The following SLC2A9 variants were observed in gnomAD, a reference collection of about 807,000 sequenced individuals.
SLC2A9 encodes solute carrier family 2, facilitated glucose transporter member 9.
A neutral mutation model predicts 50.6 loss-of-function variants in SLC2A9; 39 were observed. The ratio of observed to expected loss-of-function variants is 0.77; its 90% confidence interval spans 0.60 to 1.01. SLC2A9 has a LOEUF of 1.01. Among genes scored for constraint, SLC2A9 ranks in the 50% least tolerant of loss-of-function variants. The probability of loss-of-function intolerance (pLI) is 0.00; values close to 1 mark genes in which losing one functional copy is unlikely to be tolerated. For synonymous variants in SLC2A9, 324 were observed against 276.9 expected, an observed-to-expected ratio of 1.17 and a Z score of -1.69; for missense variants, 686 against 677.6, an observed-to-expected ratio of 1.01 and a Z score of -0.14.
chr4:10,032,607 C>G (rs1170770073), intron 1 of SLC2A9, among the ~76,000 whole-genome samples: 9 of 152,192 alleles, frequency 5.9e-5, no homozygotes, highest in Middle Eastern at 6.8e-3. Context: ...AAAGATGATG[C>G]TCATACCAAG....
At chr4:10,040,122 C>G (rs1764236430) in intron 1 of SLC2A9, 1 of 152,328 alleles carries the variant, frequency 6.6e-6, no homozygotes, top group Admixed American at 6.5e-5. Context: ...TGACCAATTC[C>G]TACTCACATT....
Position 9,859,989 on chromosome 4 carries a change from G to A in SLC2A9, c.1292-24981C>T, listed in dbSNP as rs1384354551. Among the ~76,000 whole-genome samples, 3 of 152,184 alleles carry A rather than the reference G, an allele frequency of 2.0e-5. No homozygotes were observed. In the East Asian group the frequency reaches 5.8e-4, roughly 29 times the overall value. Reference sequence around the variant, plus strand: ...GGGTGTGGAGAGCAAAAACCTTCCTGCTGAGCCCTGACAGCTGCTCAGTCT... The same window carrying A: ...GGGTGTGGAGAGCAAAAACCTTCCTACTGAGCCCTGACAGCTGCTCAGTCT... On this transcript the variant is annotated intron_variant, in intron 10 of 11. Transcript: ENST00000264784.
At chr4:9,783,322 G>T in intron 3 of SLC2A9, 1 of 1,614,240 alleles carries the variant, frequency 6.2e-7, no homozygotes, top group Non-Finnish European at 8.5e-7. Context: ...ACGAGGAGGA[G>T]GGTCCTTTCG....
chr4:9,846,898 A>G (rs1224805607), intron 10 of SLC2A9, among the ~76,000 whole-genome samples: 1 of 152,190 alleles, frequency 6.6e-6, no homozygotes, highest in Non-Finnish European at 1.5e-5. Flanking sequence ...AATCTCCACA[A>G]GTGTGTCCAT....
At chr4:9,789,638 T>A (rs1037927280) in intron 3 of SLC2A9, among the ~76,000 whole-genome samples, 2 of 152,234 alleles carry the variant, frequency 1.3e-5, no homozygotes, top group African/African-American at 4.8e-5. Context: ...TGGAAACCCC[T>A]GGGCCTCTAG....
chr4:9,993,306 T>C (rs181840931), intron 3 of SLC2A9, among the ~76,000 whole-genome samples: 4 of 152,302 alleles, frequency 2.6e-5, no homozygotes, highest in Admixed American at 1.3e-4. Context: ...TTCAGTGCAA[T>C]TGAAAGAACA....
rs62295672 is a variant in SLC2A9, at chr4:9,828,034, G to A, written c.1420-1434C>T. On this transcript the variant is annotated intron_variant, in intron 11 of 11. Coordinates refer to ENST00000264784, the MANE Select transcript of SLC2A9 (RefSeq NM_020041.3). Reference sequence around the variant, plus strand: ...ATCCTCCACACCCCCATCTGCAGGCGGAATGGACATCTGACTTATCAAGTC... The same window carrying A: ...ATCCTCCACACCCCCATCTGCAGGCAGAATGGACATCTGACTTATCAAGTC... 8.7e-3 allele frequency among the ~76,000 whole-genome samples: 1,321 copies of A among 152,280 alleles called. 11 individuals carry two copies. Among genetic ancestry groups the A allele is most frequent in the Middle Eastern group, 0.044 (13 of 294 alleles).
intron 8 of SLC2A9, among the ~76,000 whole-genome samples, chr4:9,905,786 C>G (rs1486571714): frequency 2.6e-5 from 4 of 152,080 alleles, no homozygotes; most frequent in Non-Finnish European, 5.9e-5. Flanking sequence ...GACTTTCAGG[C>G]ATGATGTGAG....
intron 5 of SLC2A9, among the ~76,000 whole-genome samples, chr4:9,944,153 A>T (rs1173368103): frequency 4.6e-5 from 7 of 152,200 alleles, no homozygotes; most frequent in Non-Finnish European, 7.3e-5. Context: ...TCATTGGGGA[A>T]CAACAACTGT....
chr4:9,926,721 C>T (rs1744967822), intron 6 of SLC2A9, among the ~76,000 whole-genome samples: 1 of 152,022 alleles, frequency 6.6e-6, no homozygotes, highest in South Asian at 2.1e-4. Flanking sequence ...TGTGAACTTA[C>T]TTGGAAATAA....
At chr4:9,965,974 G>C (rs1008542308) in intron 5 of SLC2A9, among the ~76,000 whole-genome samples, 1 of 152,164 alleles carries the variant, frequency 6.6e-6, no homozygotes, top group Non-Finnish European at 1.5e-5. Context: ...TTAATACTTT[G>C]ATTATCAACT....
chr4:9,989,513 C>T (rs1470787808), intron 3 of SLC2A9, among the ~76,000 whole-genome samples: 1 of 152,014 alleles, frequency 6.6e-6, no homozygotes, highest in Non-Finnish European at 1.5e-5. Flanking sequence ...TTCCCACATG[C>T]CCTCTGCTTG....
chr4:9,780,691 C>A (rs937576120), intron 3 of SLC2A9, among the ~76,000 whole-genome samples: 1 of 152,312 alleles, frequency 6.6e-6, no homozygotes, highest in East Asian at 1.9e-4. Flanking sequence ...GAGCTTAACG[C>A]CAGTAGAGGC....
intron 10 of SLC2A9, among the ~76,000 whole-genome samples, chr4:9,868,765 G>A (rs150441658): frequency 1.7e-3 from 254 of 152,276 alleles, no homozygotes; most frequent in Admixed American, 3.3e-3. Context: ...ATTTTGTGAC[G>A]AATGCTGAAG....
In SLC2A9 at chr4:9,925,310, G is replaced by A. The variant is rs187024415; in HGVS notation, c.815-4738C>T. Among the ~76,000 whole-genome samples, 193 of 152,214 alleles carry A rather than the reference G, an allele frequency of 1.3e-3. 3 individuals carry two copies. The highest frequency in any genetic ancestry group is 7.8e-4 in the Non-Finnish European group (53 of 68,014). On this transcript the variant is annotated intron_variant, in intron 6 of 11. Coordinates refer to ENST00000264784, the MANE Select transcript of SLC2A9 (RefSeq NM_020041.3). ...GCTAATCACTGTTACCCTCTCATCC[G>A]GGTCGCTCTTGCACCTGTGTCTGTC... is the stretch of plus-strand genomic sequence containing the variant.
chr4:9,996,181 C>T (rs899842600), intron 3 of SLC2A9, among the ~76,000 whole-genome samples: 17 of 152,184 alleles, frequency 1.1e-4, no homozygotes, highest in African/African-American at 3.9e-4. Context: ...TGTAAATGAT[C>T]TGAAATGACC....
In SLC2A9 at chr4:9,890,722, G is replaced by GT. The variant is rs758409061; in HGVS notation, c.1114-12dup. The GT allele has an allele frequency of 2.1e-5, 34 of 1,607,030 alleles. No individual in the cohort carries two copies. The highest frequency in any genetic ancestry group is 1.6e-4 in the African/African-American group (12 of 74,740). On this transcript the variant is annotated splice_polypyrimidine_tract_variant and intron_variant, in intron 8 of 11. Coordinates refer to ENST00000264784, the MANE Select transcript of SLC2A9 (RefSeq NM_020041.3). ...CTCAATGACCAAACCCTAGTCCAGG[G>GT]TAAAAGAGAGAGAGAGAGCTATTAT... is the stretch of plus-strand genomic sequence containing the variant.
intron 3 of SLC2A9, among the ~76,000 whole-genome samples, chr4:9,781,363 C>A (rs906453829): frequency 6.6e-6 from 1 of 152,248 alleles, no homozygotes; most frequent in Non-Finnish European, 1.5e-5. Flanking sequence ...CTCATCCTTA[C>A]CCCACCTCTT....
At chr4:9,959,108 T>A (rs1375451783) in intron 5 of SLC2A9, among the ~76,000 whole-genome samples, 2 of 151,448 alleles carry the variant, frequency 1.3e-5, no homozygotes, top group African/African-American at 4.9e-5. Flanking sequence ...GCTGGAAGAA[T>A]GCTAAGGCAG....
Sources: allele counts gnomAD v4.1 joint callset (sites outside exome capture counted in the v4.1 genomes callset), GRCh38; gene constraint gnomAD v4.1.1; transcripts MANE v1.5; gene names NCBI Gene and HGNC (gene_info 2026-07-23, HGNC 2026-07-21).